The following HDGFL3 variants were observed in gnomAD, a reference collection of about 807,000 sequenced individuals.
HDGFL3 encodes the protein HDGF like 3.
A neutral mutation model predicts 27.6 loss-of-function variants in HDGFL3; 6 were observed. The observed-to-expected ratio is 0.22, with a 90% confidence interval of 0.12 to 0.43. HDGFL3 has a LOEUF of 0.43. HDGFL3 is among the 20% of genes least tolerant of loss of function. The probability of loss-of-function intolerance (pLI) is 1.00; values close to 1 mark genes in which losing one functional copy is unlikely to be tolerated. For missense variants in HDGFL3, 207 were observed against 250.1 expected (o/e 0.83, Z 1.16); for synonymous variants, 88 against 88.9 (o/e 0.99, Z 0.05).
At position 83,115,844 on chromosome 15, in the gene HDGFL3, G is replaced by A. The variant is rs1314668970; in HGVS notation, c.394-103C>T. 5 of 1,611,104 alleles carry A rather than the reference G, an allele frequency of 3.1e-6. No homozygotes were observed. The African/African-American group carries it at 6.7e-5, about 22-fold the overall frequency. ...TTAAACTGCTGCTTTCTTTGCTCTA[G>A]TGTATGCAGTTTTTGGATTTACCAG... is the stretch of plus-strand genomic sequence containing the variant. On this transcript the variant is annotated intron_variant, in intron 3 of 3. Transcript: ENST00000568294.
chr15:83,149,043 A>T (rs1176631137), intron 5 of HDGFL3, among the ~76,000 whole-genome samples: 2 of 152,076 alleles, frequency 1.3e-5, no homozygotes, highest in Non-Finnish European at 2.9e-5. Flanking sequence ...CCTTATATTT[A>T]TATATATTAT....
At chr15:83,206,508 G>A (rs1044056223) in intron 1 of HDGFL3, among the ~76,000 whole-genome samples, 1 of 152,198 alleles carries the variant, frequency 6.6e-6, no homozygotes, top group South Asian at 2.1e-4. Context: ...TGAATGCTAT[G>A]TATTACATGC....
At chr15:83,158,979 T>C (rs1054410161) in intron 2 of HDGFL3, among the ~76,000 whole-genome samples, 5 of 152,020 alleles carry the variant, frequency 3.3e-5, no homozygotes, top group African/African-American at 1.2e-4. Context: ...AAGTAGGGGA[T>C]TACAGGCATG....
intron 1 of HDGFL3, among the ~76,000 whole-genome samples, chr15:83,168,599 C>T (rs904701454): frequency 7.2e-5 from 11 of 152,110 alleles, no homozygotes; most frequent in African/African-American, 2.4e-4. Context: ...AATTGAAACA[C>T]GGAACAGACC....
At chr15:83,118,567 AT>A (rs1307221097) in intron 3 of HDGFL3, among the ~76,000 whole-genome samples, 1 of 152,168 alleles carries the variant, frequency 6.6e-6, no homozygotes, top group Non-Finnish European at 1.5e-5. Flanking sequence ...TCTGATTTTA[AT>A]TTGATTTGAT....
intron 4 of HDGFL3, 193 bp downstream of exon 4, chr15:83,157,222 A>G (rs972888516): frequency 1.3e-5 from 8 of 615,946 alleles, no homozygotes; most frequent in South Asian, 2.0e-5. Flanking sequence ...AATCAGCCCT[A>G]AAGAGTCAAT....
Position 83,136,320 on chromosome 15 carries a change from C to G in HDGFL3, c.*2950G>C. 1 of 476,382 alleles carries G rather than the reference C, an allele frequency of 2.1e-6. No homozygotes were observed. The highest frequency in any genetic ancestry group is 3.7e-6 in the Non-Finnish European group (1 of 272,990). The allele number at this position is 476,382 out of a possible 1,614,324, so 29.5% of individuals were successfully genotyped here. The stretch of plus-strand genomic sequence containing the variant: ...CAAGGACTAAATTTAATGAAAGACT[C>G]TGACATTAAAGACTCTGGATTGTTT... On this transcript the variant is annotated 3_prime_UTR_variant, in exon 6 of 6. Coordinates refer to ENST00000299633, the MANE Select transcript of HDGFL3 (RefSeq NM_016073.4).
chr15:83,202,833 T>C (rs191527543), intron 1 of HDGFL3, among the ~76,000 whole-genome samples: 1 of 152,238 alleles, frequency 6.6e-6, no homozygotes, highest in East Asian at 1.9e-4. Context: ...ACTGTATCAG[T>C]AATTTATTCC....
intron 5 of HDGFL3, among the ~76,000 whole-genome samples, chr15:83,143,937 T>C (rs2036837094): frequency 2.0e-5 from 3 of 152,208 alleles, no homozygotes; most frequent in African/African-American, 4.8e-5. Flanking sequence ...TAAGACTTTA[T>C]TGTCATTTGA....
intron 2 of HDGFL3, among the ~76,000 whole-genome samples, chr15:83,161,710 T>C (rs1265381295): frequency 6.6e-6 from 1 of 152,228 alleles, no homozygotes; most frequent in Non-Finnish European, 1.5e-5. Flanking sequence ...CTGAATGAAC[T>C]GTTCTAAAAC....
Position 83,128,102 on chromosome 15 carries a change from G to A in HDGFL3, c.*11168C>T, listed in dbSNP as rs1023558068. On this transcript the variant is annotated 3_prime_UTR_variant, in exon 6 of 6. Coordinates refer to ENST00000299633, the MANE Select transcript of HDGFL3 (RefSeq NM_016073.4). ...ACAAATCAATCTTCTGAACAAGGAA[G>A]AAAATTAATTTTTCTTACTAGAAAT... is the stretch of plus-strand genomic sequence containing the variant. The A allele has an allele frequency of 1.3e-5, 2 of 152,130 alleles. No individual in the cohort carries two copies. The highest frequency in any genetic ancestry group is 4.8e-5 in the African/African-American group (2 of 41,420). 9.4% of individuals were successfully genotyped at this position (152,130 alleles called of 1,614,324 possible).
At chr15:83,196,894 T>C (rs2037576565) in intron 1 of HDGFL3, among the ~76,000 whole-genome samples, 1 of 152,156 alleles carries the variant, frequency 6.6e-6, no homozygotes, top group African/African-American at 2.4e-5. Context: ...TTGCTGAAAA[T>C]GAGGGGGAAA....
intron 1 of HDGFL3, among the ~76,000 whole-genome samples, chr15:83,166,631 A>C (rs1012915203): frequency 2.0e-5 from 3 of 152,190 alleles, no homozygotes; most frequent in African/African-American, 7.2e-5. Flanking sequence ...ATTTATAAAG[A>C]ACAGAGGTTT....
chr15:83,187,122 G>A (rs1379414420), intron 1 of HDGFL3, among the ~76,000 whole-genome samples: 1 of 150,390 alleles, frequency 6.6e-6, no homozygotes, highest in Admixed American at 6.6e-5. Context: ...TACATAAATG[G>A]GCTGTATGTC....
chr15:83,122,081 G>C, intron 3 of HDGFL3: 1 of 1,140,726 alleles, frequency 8.8e-7, no homozygotes, highest in South Asian at 1.3e-5. Flanking sequence ...AGCTCTTTTA[G>C]TTATAATAGA....
intron 3 of HDGFL3, chr15:83,119,515 G>A: frequency 6.6e-7 from 1 of 1,522,734 alleles, no homozygotes; most frequent in Non-Finnish European, 9.1e-7. Context: ...TTGCAATACA[G>A]GTCTGATGTT....
At chr15:83,182,020 C>T (rs576779352) in intron 1 of HDGFL3, among the ~76,000 whole-genome samples, 1 of 152,300 alleles carries the variant, frequency 6.6e-6, no homozygotes, top group South Asian at 2.1e-4. Context: ...GTGATAAATG[C>T]ATATACCTAT....
intron 1 of HDGFL3, among the ~76,000 whole-genome samples, chr15:83,204,762 C>T (rs2037696415): frequency 6.6e-6 from 1 of 152,166 alleles, no homozygotes; most frequent in Non-Finnish European, 1.5e-5. Context: ...TGAGAATTAT[C>T]TTTATTTTAC....
intron 1 of HDGFL3, among the ~76,000 whole-genome samples, chr15:83,191,732 T>C (rs2037512552): frequency 6.6e-6 from 1 of 152,160 alleles, no homozygotes; most frequent in African/African-American, 2.4e-5. Flanking sequence ...GGCTAACTTA[T>C]TTTCAGTAAC....
Sources: gnomAD v4.1 joint callset for allele counts (sites outside exome capture counted in the v4.1 genomes callset) on GRCh38, gnomAD v4.1.1 for gene constraint, MANE v1.5 for transcripts, NCBI Gene and HGNC (gene_info 2026-07-23, HGNC 2026-07-21) for gene names.